Variants in ANKRD44 observed in about 807,000 individuals in gnomAD.
The protein encoded by ANKRD44 is serine/threonine-protein phosphatase 6 regulatory ankyrin repeat subunit B.
ANKRD44 carries 35 observed loss-of-function variants against 116.0 expected under a neutral mutation model. That is an observed-to-expected ratio of 0.30 (90% CI 0.23 to 0.40). ANKRD44 has a LOEUF of 0.40. ANKRD44 is among the 10% of genes least tolerant of loss of function. ANKRD44 has a pLI of 1.00. For synonymous variants in ANKRD44, 435 were observed against 461.8 expected, an observed-to-expected ratio of 0.94 and a Z score of 0.74; for missense variants, 1,014 against 1,242.6, an observed-to-expected ratio of 0.82 and a Z score of 2.77.
chr2:197,273,983 ATATATATAT>A (rs1559208377), intron 1 of ANKRD44, among the ~76,000 whole-genome samples: 1,649 of 28,162 alleles, frequency 0.059, 333 homozygotes, highest in South Asian at 0.082. Flanking sequence ...AAAAAAAAAT[ATATATATAT>A]ATATATATAT....
chr2:197,100,454 A>AAGAAAC (rs1436847542), intron 9 of ANKRD44, among the ~76,000 whole-genome samples: 9 of 152,214 alleles, frequency 5.9e-5, no homozygotes, highest in African/African-American at 2.2e-4. Flanking sequence ...GAAAAAGAAA[A>AAGAAAC]AGAAAAAGAA....
chr2:197,012,845 G>A (rs920177083), intron 18 of ANKRD44, among the ~76,000 whole-genome samples: 2 of 152,194 alleles, frequency 1.3e-5, no homozygotes, highest in East Asian at 1.9e-4. Flanking sequence ...TGGATTTCCT[G>A]AGCCAAAGAT....
intron 8 of ANKRD44, among the ~76,000 whole-genome samples, chr2:197,116,590 T>A (rs967815629): frequency 3.9e-5 from 6 of 152,184 alleles, no homozygotes; most frequent in African/African-American, 1.4e-4. Flanking sequence ...CTCCTTCCTG[T>A]CTCCTCTAAC....
intron 1 of ANKRD44, among the ~76,000 whole-genome samples, chr2:197,242,979 T>G (rs932167462): frequency 1.3e-5 from 2 of 152,244 alleles, no homozygotes; most frequent in African/African-American, 4.8e-5. Context: ...GATCACATTC[T>G]GTGACTAGCA....
intron 1 of ANKRD44, 55 bp from the exon 2 acceptor site, chr2:197,187,161 A>G (rs2080698377): frequency 6.8e-7 from 1 of 1,477,534 alleles, no homozygotes. Flanking sequence ...CTGATCACAT[A>G]CAGATGCAGA....
At chr2:197,191,515 T>C (rs989654679) in intron 1 of ANKRD44, among the ~76,000 whole-genome samples, 8 of 152,200 alleles carry the variant, frequency 5.3e-5, no homozygotes, top group Non-Finnish European at 1.5e-5. Flanking sequence ...ATATTCTGTT[T>C]TTATTCTCAC....
intron 16 of ANKRD44, among the ~76,000 whole-genome samples, chr2:197,070,290 G>C (rs1188825062): frequency 1.3e-5 from 2 of 152,104 alleles, no homozygotes; most frequent in African/African-American, 2.4e-5. Flanking sequence ...GAATAGGAGT[G>C]GTATAAGAAG....
chr2:197,242,337 A>G (rs1232515173), intron 1 of ANKRD44, among the ~76,000 whole-genome samples: 1 of 152,220 alleles, frequency 6.6e-6, no homozygotes, highest in Non-Finnish European at 1.5e-5. Flanking sequence ...TAATCACAGC[A>G]ACTTGGACAA....
At chr2:197,022,501 G>T (rs2076516333) in intron 17 of ANKRD44, among the ~76,000 whole-genome samples, 1 of 152,000 alleles carries the variant, frequency 6.6e-6, no homozygotes, top group Non-Finnish European at 1.5e-5. Flanking sequence ...CAAACTCCTG[G>T]CTCCCTCCAC....
intron 1 of ANKRD44, among the ~76,000 whole-genome samples, chr2:197,286,112 C>T (rs1188478473): frequency 1.3e-5 from 2 of 152,200 alleles, no homozygotes; most frequent in Non-Finnish European, 2.9e-5. Context: ...TCATTTGCTG[C>T]TCTATAAGGG....
At chr2:197,147,810 A>C (rs138149966) in intron 2 of ANKRD44, 1 of 442,050 alleles carries the variant, frequency 2.3e-6, no homozygotes, top group Admixed American at 2.6e-5. Flanking sequence ...GATTCAGGAG[A>C]TGGGAATAAG....
At chr2:197,227,741 C>T (rs555666073) in intron 1 of ANKRD44, among the ~76,000 whole-genome samples, 1 of 152,220 alleles carries the variant, frequency 6.6e-6, no homozygotes, top group Non-Finnish European at 1.5e-5. Context: ...TGTTGCCACT[C>T]ATGGCTGTGT....
intron 18 of ANKRD44, among the ~76,000 whole-genome samples, chr2:197,009,785 TC>T (rs1484346379): frequency 6.6e-6 from 1 of 152,124 alleles, no homozygotes; most frequent in African/African-American, 2.4e-5. Flanking sequence ...TAATCTGTCT[TC>T]CCCCTTCTTC....
At chr2:197,024,479 A>G (rs1447828337) in intron 17 of ANKRD44, among the ~76,000 whole-genome samples, 1 of 152,132 alleles carries the variant, frequency 6.6e-6, no homozygotes, top group African/African-American at 2.4e-5. Context: ...CTGATGGCCA[A>G]CTCTTAGCAA....
rs2075870180 is a variant in ANKRD44, at chr2:196,988,877, T to C, written c.*714A>G. On this transcript the variant is annotated 3_prime_UTR_variant, in exon 28 of 28. Coordinates refer to ENST00000282272, the MANE Select transcript of ANKRD44 (RefSeq NM_001195144.2). Reference sequence around the variant, plus strand: ...GAGCTTTTCAGTGTACTTAGGGTAATTTCTAGATATTTCTTTGTGCTGCCT... The same window carrying C: ...GAGCTTTTCAGTGTACTTAGGGTAACTTCTAGATATTTCTTTGTGCTGCCT... The C allele has an allele frequency of 7.1e-6, 7 of 985,336 alleles. No individual in the cohort carries two copies. In the South Asian group the frequency reaches 3.3e-4, roughly 46 times the overall value. 61.0% of individuals were successfully genotyped at this position (985,336 alleles called of 1,614,324 possible).
At chr2:197,208,514 C>T (rs1215511597) in intron 1 of ANKRD44, among the ~76,000 whole-genome samples, 1 of 152,108 alleles carries the variant, frequency 6.6e-6, no homozygotes, top group Non-Finnish European at 1.5e-5. Context: ...CTTTCTTGGC[C>T]AGAAGCAGTG....
intron 16 of ANKRD44, among the ~76,000 whole-genome samples, chr2:197,030,664 C>T (rs2076688177): frequency 6.6e-6 from 1 of 152,082 alleles, no homozygotes; most frequent in Admixed American, 6.6e-5. Context: ...TGGAGGCCCA[C>T]CTAAAGGCCA....
At chr2:197,252,311 G>A (rs1249492039) in intron 1 of ANKRD44, among the ~76,000 whole-genome samples, 4 of 151,332 alleles carry the variant, frequency 2.6e-5, no homozygotes, top group East Asian at 3.8e-4. Context: ...TTAAAATACA[G>A]ATTCCTGCTC....
chr2:197,056,887 A>C (rs2077213901), intron 16 of ANKRD44, among the ~76,000 whole-genome samples: 1 of 152,198 alleles, frequency 6.6e-6, no homozygotes, highest in Non-Finnish European at 1.5e-5. Flanking sequence ...TAACATCTGT[A>C]ACTTAATTAC....
Sources: allele counts gnomAD v4.1 joint callset (sites outside exome capture counted in the v4.1 genomes callset), GRCh38; gene constraint gnomAD v4.1.1; transcripts MANE v1.5; gene names NCBI Gene and HGNC (gene_info 2026-07-23, HGNC 2026-07-21).